The following TTC27 variants were observed in gnomAD, a reference collection of about 807,000 sequenced individuals.
TTC27 encodes the protein tetratricopeptide repeat protein 27.
In TTC27, 79 loss-of-function variants were observed where a neutral mutation model predicts 115.9. The ratio of observed to expected loss-of-function variants is 0.68; its 90% confidence interval spans 0.57 to 0.82. The LOEUF (loss-of-function observed/expected upper bound fraction) is 0.82, where lower values mean the gene tolerates loss of function less well. Ranked by LOEUF, TTC27 falls within the 40% of genes least tolerant of loss-of-function variation. The pLI is 0.00. For synonymous variants in TTC27, 401 were observed against 356.0 expected (o/e 1.13, Z -1.42); for missense variants, 1,054 against 993.1 (o/e 1.06, Z -0.82).
At chr2:32,717,525 G>A (rs1414612724) in intron 10 of TTC27, among the ~76,000 whole-genome samples, 1 of 151,980 alleles carries the variant, frequency 6.6e-6, no homozygotes, top group Non-Finnish European at 1.5e-5. Context: ...CTTCTTTCCT[G>A]TTAGTTATTA....
At chr2:32,692,274 T>C (rs549883952) in intron 9 of TTC27, among the ~76,000 whole-genome samples, 6 of 152,186 alleles carry the variant, frequency 3.9e-5, no homozygotes, top group Admixed American at 3.9e-4. Context: ...CTTAGTGAGC[T>C]GATATTTCAT....
chr2:32,813,246 T>A (rs1671377835), intron 18 of TTC27, among the ~76,000 whole-genome samples: 2 of 152,186 alleles, frequency 1.3e-5, no homozygotes, highest in African/African-American at 4.8e-5. Context: ...AATAAAATAA[T>A]GATGCCCCCA....
intron 18 of TTC27, among the ~76,000 whole-genome samples, chr2:32,813,413 T>C (rs1453679896): frequency 6.6e-6 from 1 of 152,208 alleles, no homozygotes; most frequent in African/African-American, 2.4e-5. Flanking sequence ...CAGGGAGACC[T>C]AAGCTCCAGG....
chr2:32,686,581 G>A (rs1247975016), intron 9 of TTC27, among the ~76,000 whole-genome samples: 2 of 151,644 alleles, frequency 1.3e-5, no homozygotes, highest in Non-Finnish European at 2.9e-5. Context: ...GGGTGGTCTC[G>A]AACTCCCAGG....
At chr2:32,710,659 C>T (rs908437317) in intron 10 of TTC27, among the ~76,000 whole-genome samples, 1 of 151,532 alleles carries the variant, frequency 6.6e-6, no homozygotes, top group African/African-American at 2.4e-5. Flanking sequence ...GAACTCCTGA[C>T]CTCAAGTGAT....
chr2:32,763,660 G>T (rs1669522657), intron 13 of TTC27, among the ~76,000 whole-genome samples: 1 of 152,198 alleles, frequency 6.6e-6, no homozygotes, highest in Non-Finnish European at 1.5e-5. Context: ...CGAAATAGAG[G>T]GGTTTGGTCT....
intron 10 of TTC27, among the ~76,000 whole-genome samples, chr2:32,706,329 C>T (rs1667368256): frequency 3.3e-5 from 5 of 151,568 alleles, no homozygotes. Context: ...GTTATCTGCC[C>T]ACCTCAGCCT....
chr2:32,795,558 A>C (rs1670671163), intron 16 of TTC27, among the ~76,000 whole-genome samples: 1 of 149,540 alleles, frequency 6.7e-6, no homozygotes, highest in Non-Finnish European at 1.5e-5. Context: ...TTATTTATTT[A>C]TTTATTTATT....
chr2:32,654,252 A>G (rs1665237166), intron 5 of TTC27, among the ~76,000 whole-genome samples: 1 of 152,214 alleles, frequency 6.6e-6, no homozygotes, highest in Non-Finnish European at 1.5e-5. Flanking sequence ...CTAGTAACTA[A>G]TGATAATGCA....
intron 6 of TTC27, 23 bp from the exon 7 acceptor site, chr2:32,666,612 A>T: frequency 6.2e-7 from 1 of 1,613,042 alleles, no homozygotes; most frequent in Non-Finnish European, 8.5e-7. Context: ...AAGTCAGTAG[A>T]TATAATTTTA....
chr2:32,634,679 CAG>C (rs1460105344), intron 3 of TTC27, among the ~76,000 whole-genome samples: 3 of 151,410 alleles, frequency 2.0e-5, no homozygotes, highest in Admixed American at 6.6e-5. Flanking sequence ...TTTTTTGAGA[CAG>C]AGTCTTGCTC....
intron 4 of TTC27, among the ~76,000 whole-genome samples, chr2:32,642,725 T>C (rs1428986190): frequency 6.6e-6 from 1 of 151,948 alleles, no homozygotes; most frequent in Non-Finnish European, 1.5e-5. Flanking sequence ...TGGAGTGCAG[T>C]GGCATGATCT....
intron 12 of TTC27, among the ~76,000 whole-genome samples, chr2:32,754,699 C>T (rs1669142747): frequency 1.3e-5 from 2 of 151,564 alleles, no homozygotes; most frequent in African/African-American, 4.8e-5. Flanking sequence ...CAGAGGGGCT[C>T]CTCACTTCCC....
At chr2:32,686,121 C>A (rs1666620380) in intron 9 of TTC27, among the ~76,000 whole-genome samples, 1 of 152,110 alleles carries the variant, frequency 6.6e-6, no homozygotes, top group Non-Finnish European at 1.5e-5. Flanking sequence ...CAAATAATTA[C>A]AACTAAAATG....
intron 9 of TTC27, among the ~76,000 whole-genome samples, chr2:32,696,696 A>G (rs1420581703): frequency 6.6e-6 from 1 of 152,208 alleles, no homozygotes; most frequent in Non-Finnish European, 1.5e-5. Flanking sequence ...CAAATATCTG[A>G]CTTCAATTCT....
At chr2:32,762,449 G>T (rs577614116) in intron 13 of TTC27, among the ~76,000 whole-genome samples, 1 of 152,088 alleles carries the variant, frequency 6.6e-6, no homozygotes, top group East Asian at 1.9e-4. Context: ...AGGCTAAACC[G>T]TTGGGTTTTT....
chr2:32,654,995 C>CTT (rs34907715), intron 5 of TTC27, among the ~76,000 whole-genome samples: 28 of 139,020 alleles, frequency 2.0e-4, no homozygotes, highest in African/African-American at 5.3e-4. Flanking sequence ...TGCGTCTGGC[C>CTT]TTTTTTTTTT....
chr2:32,712,042 A>G (rs910114160), intron 10 of TTC27, among the ~76,000 whole-genome samples: 1 of 152,162 alleles, frequency 6.6e-6, no homozygotes, highest in African/African-American at 2.4e-5. Context: ...AGGTGTGATG[A>G]AGTCAGGTAA....
intron 12 of TTC27, among the ~76,000 whole-genome samples, chr2:32,756,584 A>G (rs1669239690): frequency 1.3e-5 from 2 of 152,260 alleles, no homozygotes; most frequent in African/African-American, 4.8e-5. Flanking sequence ...TTTTAGAAGT[A>G]TAGTCTTCTT....
Sources: allele counts gnomAD v4.1 joint callset (sites outside exome capture counted in the v4.1 genomes callset), GRCh38; gene constraint gnomAD v4.1.1; transcripts MANE v1.5; gene names NCBI Gene and HGNC (gene_info 2026-07-23, HGNC 2026-07-21).